Variants in SPNS2 observed in about 807,000 individuals in gnomAD.
The protein encoded by SPNS2 is sphingosine-1-phosphate transporter SPNS2.
SPNS2 carries 37 observed loss-of-function variants against 57.6 expected under a neutral mutation model. The ratio of observed to expected loss-of-function variants is 0.64; its 90% CI spans 0.49 to 0.85. The LOEUF (loss-of-function observed/expected upper bound fraction) is 0.85. Ranked by LOEUF, SPNS2 falls within the 40% of genes least tolerant of loss-of-function variation. The pLI is 0.00. For synonymous variants in SPNS2, 440 were observed against 346.9 expected (o/e 1.27, Z -2.98); for missense variants, 831 against 779.1 (o/e 1.07, Z -0.79).
At chr17:4,529,249 T>C (rs1905357526) in intron 3 of SPNS2, among the ~76,000 whole-genome samples, 1 of 151,882 alleles carries the variant, frequency 6.6e-6, no homozygotes, top group African/African-American at 2.4e-5. Flanking sequence ...TTTATCTTAT[T>C]TTTAAATTTT....
At chr17:4,534,908 G>T (rs374487646) in intron 9 of SPNS2, among the ~76,000 whole-genome samples, 1 of 152,160 alleles carries the variant, frequency 6.6e-6, no homozygotes. Context: ...CTGCCGGCAG[G>T]GTCAGGGTCC....
At position 4,530,819 on chromosome 17, in the gene SPNS2, C is replaced by A. The variant is rs12452349; in HGVS notation, c.725+36C>A. On this transcript the variant is annotated intron_variant, in intron 4 of 12. Coordinates refer to ENST00000329078, the MANE Select transcript of SPNS2 (RefSeq NM_001124758.3). ...GAGATGCCAGGGTCTGGGTGAGGAT[C>A]TGGGCAAGGTTCCCTTGGACTTCTG... 7 of 1,598,380 alleles carry A rather than the reference C, an allele frequency of 4.4e-6. No homozygotes were observed. In the Admixed American group the frequency reaches 6.7e-5, roughly 15 times the overall value.
At chr17:4,537,329 G>A (rs1056568263) in intron 12 of SPNS2, 124 bp from the exon 13 acceptor site, 3 of 407,634 alleles carry the variant, frequency 7.4e-6, no homozygotes, top group Non-Finnish European at 1.4e-5. Context: ...CGAGACCCAG[G>A]GTCACAGCTG....
chr17:4,507,405 A>G (rs1477291238), intron 1 of SPNS2, among the ~76,000 whole-genome samples: 1 of 152,224 alleles, frequency 6.6e-6, no homozygotes, highest in Non-Finnish European at 1.5e-5. Context: ...GTCCTGTCCC[A>G]CTAGTTAATT....
At chr17:4,506,960 C>T (rs529580356) in intron 1 of SPNS2, among the ~76,000 whole-genome samples, 3 of 152,306 alleles carry the variant, frequency 2.0e-5, no homozygotes, top group South Asian at 2.1e-4. Context: ...CAGCCTCCTG[C>T]GGGCAGACGG....
chr17:4,512,030 G>C lies in SPNS2; in HGVS notation c.371-1217G>C, dbSNP rs1904840782. Among the ~76,000 whole-genome samples the C allele has an allele frequency of 6.6e-6, 1 of 152,190 alleles. No individual in the cohort carries two copies. The highest frequency in any genetic ancestry group is 1.5e-5 in the Non-Finnish European group (1 of 68,034). ...TCTGTCAACTTGGATCCTAGTACCA[G>C]CCTCCTAGGGCTGTGTGGGGATTAT... On this transcript the variant is annotated intron_variant, in intron 1 of 12. Coordinates refer to ENST00000329078, the MANE Select transcript of SPNS2 (RefSeq NM_001124758.3). This position sits in a 1 kb window ranked among gnomAD's most constrained non-coding sequence, Gnocchi z 5.2.
intron 2 of SPNS2, among the ~76,000 whole-genome samples, chr17:4,519,723 A>G (rs983483953): frequency 1.4e-5 from 2 of 145,072 alleles, no homozygotes; most frequent in African/African-American, 5.1e-5. Context: ...AGACCACGGG[A>G]TTGCGGGGTG....
rs1329522133 is a variant in SPNS2, at chr17:4,499,222, A to G, written c.175A>G (p.Thr59Ala). Residue 59 changes from threonine to alanine, a missense_variant, in exon 1 of 13, where the codon ACG becomes GCG. Thr to Ala is a moderately conservative substitution (Grantham distance 58). Transcript: ENST00000329078. This position sits in a 1 kb window ranked among gnomAD's most constrained non-coding sequence, Gnocchi z 5.2. ...CTCGGCCGCGGGCGATGAGGTGCAGACGCTGTCGGGCAGCGTAAGGCGGGC... is the reference window on the plus strand; with the variant it reads ...CTCGGCCGCGGGCGATGAGGTGCAGGCGCTGTCGGGCAGCGTAAGGCGGGC... ...GVSAAGDEVQ[T>A]LSGSVRRAPT... The G allele has an allele frequency of 6.9e-7, 1 of 1,448,822 alleles. No homozygotes were observed. Among genetic ancestry groups the G allele is most frequent in the Admixed American group, 2.6e-5 (1 of 38,256 alleles). The allele number at this position is 1,448,822 out of a possible 1,614,324, so 89.7% of individuals were successfully genotyped here.
In SPNS2 at chr17:4,510,499, C is replaced by T. The variant is rs545557458; in HGVS notation, c.371-2748C>T. Among the ~76,000 whole-genome samples, 4 of 152,242 alleles carry T rather than the reference C, an allele frequency of 2.6e-5. No individual in the cohort carries two copies. The highest frequency in any genetic ancestry group is 3.9e-4 in the East Asian group (2 of 5,176). On this transcript the variant is annotated intron_variant, in intron 1 of 12. Coordinates refer to ENST00000329078, the MANE Select transcript of SPNS2 (RefSeq NM_001124758.3). The surrounding 1 kb of genome is among the most constrained non-coding windows in gnomAD (Gnocchi z 4.4). ...GAAGTCATCGGATGGGGAAGTGTGC[C>T]GCTGGATAGCTGGATACTGCAGGGA...
chr17:4,537,682 C>T lies in SPNS2; in HGVS notation c.*234C>T, dbSNP rs1440058608. On this transcript the variant is annotated 3_prime_UTR_variant, in exon 13 of 13. Transcript: ENST00000329078. ...CCACACGGTTGGACAGGTTCCCAGCCCTAGGTTTGGGCCGCAGGGCCCCTG... is the reference window on the plus strand; with the variant it reads ...CCACACGGTTGGACAGGTTCCCAGCTCTAGGTTTGGGCCGCAGGGCCCCTG... 2 of 456,650 alleles carry T rather than the reference C, an allele frequency of 4.4e-6. No homozygotes were observed. The highest frequency in any genetic ancestry group is 4.0e-5 in the African/African-American group (2 of 50,094). 28.3% of individuals were successfully genotyped at this position (456,650 alleles called of 1,614,324 possible). A position where few individuals can be genotyped will look rare whatever the true frequency, so the allele number is the denominator to read the frequency against.
At chr17:4,500,040 A>G (rs1904428896) in intron 1 of SPNS2, among the ~76,000 whole-genome samples, 1 of 152,112 alleles carries the variant, frequency 6.6e-6, no homozygotes, top group Non-Finnish European at 1.5e-5. Context: ...CTGGGGACCC[A>G]GGCTGCGGTT....
chr17:4,530,017 G>T (rs139022715), intron 3 of SPNS2, among the ~76,000 whole-genome samples: 5 of 152,168 alleles, frequency 3.3e-5, no homozygotes, highest in African/African-American at 1.2e-4. Flanking sequence ...GCTGGGGGAC[G>T]GAGGGAGCAG....
At chr17:4,525,256 C>A in intron 3 of SPNS2, 63 bp downstream of exon 3, 10 of 1,579,970 alleles carry the variant, frequency 6.3e-6, no homozygotes, top group Non-Finnish European at 8.6e-6. Flanking sequence ...AGTGGCTAGT[C>A]TTATTGGCCT....
chr17:4,517,667 A>AC (rs893755168), intron 2 of SPNS2, among the ~76,000 whole-genome samples: 31 of 152,274 alleles, frequency 2.0e-4, no homozygotes, highest in African/African-American at 7.5e-4. Context: ...AAAAAAAAAA[A>AC]TTAATAGAGC....
chr17:4,532,890 G>C, intron 6 of SPNS2, 87 bp from the exon 7 acceptor site: 1 of 1,523,840 alleles, frequency 6.6e-7, no homozygotes, highest in Non-Finnish European at 8.8e-7. Context: ...AGGCATTTGG[G>C]GGCCTCCTGT....
chr17:4,517,782 A>G (rs1905033865), intron 2 of SPNS2, among the ~76,000 whole-genome samples: 1 of 152,254 alleles, frequency 6.6e-6, no homozygotes, highest in South Asian at 2.1e-4. Context: ...TTAATATTCA[A>G]AGCTCTAAAG....
In SPNS2 at chr17:4,514,282, G is replaced by A. The variant is rs186119841; in HGVS notation, c.436+970G>A. Among the ~76,000 whole-genome samples the A allele has an allele frequency of 1.3e-4, 20 of 152,326 alleles. No homozygotes were observed. The East Asian group carries it at 3.7e-3, about 28-fold the overall frequency. On this transcript the variant is annotated intron_variant, in intron 2 of 12. Transcript: ENST00000329078. Reference sequence around the variant, plus strand: ...GGCCCTGGAGTCCATCTGGCTGTGAGCCCCCGTCAGATGCAGGATGAGGTC... The same window carrying A: ...GGCCCTGGAGTCCATCTGGCTGTGAACCCCCGTCAGATGCAGGATGAGGTC...
chr17:4,525,742 A>T (rs1905248787), intron 3 of SPNS2, among the ~76,000 whole-genome samples: 1 of 152,186 alleles, frequency 6.6e-6, no homozygotes, highest in Non-Finnish European at 1.5e-5. Flanking sequence ...GGAGGAACTT[A>T]ATGTCTCTGA....
At chr17:4,535,532 C>A (rs2144379571) in intron 9 of SPNS2, among the ~76,000 whole-genome samples, 1 of 152,346 alleles carries the variant, frequency 6.6e-6, no homozygotes, top group African/African-American at 2.4e-5. Flanking sequence ...GCACCCTGGT[C>A]TCAGGAATGG....
Sources: allele counts gnomAD v4.1 joint callset (sites outside exome capture counted in the v4.1 genomes callset), GRCh38; gene constraint gnomAD v4.1.1; non-coding constraint Gnocchi (gnomAD v3.1); transcripts MANE v1.5; gene names NCBI Gene and HGNC (gene_info 2026-07-23, HGNC 2026-07-21).